The following CIITA variants were observed in gnomAD, a reference collection of about 807,000 sequenced individuals.
CIITA encodes the protein class II major histocompatibility complex transactivator, also known as MHC class II transactivator.
In CIITA, 72 loss-of-function variants were observed where a neutral mutation model predicts 115.1. The ratio of observed to expected loss-of-function variants is 0.63; its 90% CI spans 0.52 to 0.76. The LOEUF is 0.76. Ranked by LOEUF, CIITA falls within the 30% of genes least tolerant of loss-of-function variation. The pLI, the probability that CIITA is intolerant of heterozygous loss-of-function variation, is 0.00. For missense variants in CIITA, 1,617 were observed against 1,463.8 expected (o/e 1.10, Z -1.71); for synonymous variants, 763 against 635.6 (o/e 1.20, Z -3.02).
At chr16:10,912,858 G>GAGGA (rs771130559) in intron 13 of CIITA, among the ~76,000 whole-genome samples, 39 of 152,218 alleles carry the variant, frequency 2.6e-4, no homozygotes, top group Non-Finnish European at 4.0e-4. Flanking sequence ...AGGAGGTTCT[G>GAGGA]AGGAAGGAAG....
chr16:10,896,372 C>T (rs912988725), intron 3 of CIITA, among the ~76,000 whole-genome samples: 2 of 152,004 alleles, frequency 1.3e-5, no homozygotes, highest in African/African-American at 4.8e-5. Context: ...TTTTTAACCA[C>T]AAAAAAAGAA....
At chr16:10,891,111 G>A (rs754415917) in intron 1 of CIITA, among the ~76,000 whole-genome samples, 102 of 152,298 alleles carry the variant, frequency 6.7e-4, no homozygotes, top group Non-Finnish European at 1.1e-3. Flanking sequence ...ATAAGTGGGG[G>A]TGGGCTAAAT....
At chr16:10,919,714 T>C (rs1164019601) in intron 16 of CIITA, among the ~76,000 whole-genome samples, 1 of 152,172 alleles carries the variant, frequency 6.6e-6, no homozygotes, top group Non-Finnish European at 1.5e-5. Flanking sequence ...TTTATTTATG[T>C]AGGTGCTTAC....
intron 10 of CIITA, 67 bp downstream of exon 10, chr16:10,904,879 C>A: frequency 6.6e-7 from 1 of 1,516,134 alleles, no homozygotes; most frequent in Non-Finnish European, 9.2e-7. Flanking sequence ...CTTCACATTG[C>A]TCATTCACTT....
At chr16:10,903,538 A>C (rs1032893168) in intron 8 of CIITA, among the ~76,000 whole-genome samples, 193 bp from the exon 9 acceptor site, 1 of 152,204 alleles carries the variant, frequency 6.6e-6, no homozygotes, top group Non-Finnish European at 1.5e-5. Context: ...TGGAAAAGCA[A>C]GGTTCCAGGA....
In CIITA at chr16:10,901,635, C is replaced by A; in HGVS notation, c.481+77C>A. 6.8e-7 allele frequency: 1 copy of A among 1,465,332 alleles called. No individual in the cohort carries two copies. The allele number at this position is 1,465,332 out of a possible 1,614,324, so 90.8% of individuals were successfully genotyped here. On this transcript the variant is annotated intron_variant, in intron 6 of 19. Coordinates refer to ENST00000324288, the MANE Select transcript of CIITA (RefSeq NM_000246.4). The surrounding 1 kb of genome is among the most constrained non-coding windows in gnomAD (Gnocchi z 6.8). ...GGATGGAAGAGATTGAACTCCTGGC[C>A]CAAGTCTGATGGGGATGGTGCATGG...
chr16:10,892,323 CAAAAAAAAAAAG>C (rs2037678821), intron 1 of CIITA, among the ~76,000 whole-genome samples: 1 of 132,516 alleles, frequency 7.5e-6, no homozygotes, highest in African/African-American at 2.8e-5. Flanking sequence ...GACTCTGTCT[CAAAAAAAAAAAG>C]AAAAAGAAAA....
upstream of CIITA, among the ~76,000 whole-genome samples, chr16:10,873,714 C>G (rs1056144509): frequency 6.6e-6 from 1 of 152,124 alleles, no homozygotes; most frequent in African/African-American, 2.4e-5. Flanking sequence ...CCCCATCTCT[C>G]CCTGGGACTT....
upstream of CIITA, among the ~76,000 whole-genome samples, chr16:10,875,071 T>C (rs2035740028): frequency 6.6e-6 from 1 of 152,096 alleles, no homozygotes; most frequent in Admixed American, 6.5e-5. Flanking sequence ...CGGGTTCATG[T>C]GATTCTCATC....
At chr16:10,894,259 T>C (rs1344144080) in intron 1 of CIITA, among the ~76,000 whole-genome samples, 2 of 152,248 alleles carry the variant, frequency 1.3e-5, no homozygotes, top group African/African-American at 2.4e-5. Flanking sequence ...AGCATTTTTT[T>C]TAAGGTTCAT....
At chr16:10,876,055 C>A (rs1287209567), upstream of CIITA, among the ~76,000 whole-genome samples, 2 of 152,070 alleles carry the variant, frequency 1.3e-5, no homozygotes, top group Non-Finnish European at 2.9e-5. Context: ...GAGGCTGAGG[C>A]AGGAGAATCA....
chr16:10,918,464 C>G lies in CIITA; in HGVS notation c.3087C>G (p.Asp1029Glu). The G allele has an allele frequency of 6.2e-7, 1 of 1,614,226 alleles. No individual in the cohort carries two copies. The highest frequency in any genetic ancestry group is 8.5e-7 in the Non-Finnish European group (1 of 1,180,028). ...GTCTGTCCCAGAACAACATCACTGA[C>G]CTGGGTGCCTACAAACTCGCCGAGG... ...TLNLSQNNIT[D>E]LGAYKLAEAL... The change falls in exon 16 of 20, where the codon GAC becomes GAG. Residue 1029 changes from aspartate to glutamate, a missense_variant. Transcript: ENST00000324288.
In CIITA at chr16:10,892,062, A is replaced by G. The variant is rs553595246; in HGVS notation, c.53-3220A>G. On this transcript the variant is annotated intron_variant, in intron 1 of 19. Transcript: ENST00000324288. ...CTCTGGGCCGGGTGTGGTGGCTCACACCTGTAATCCCAGCACTTTGGGAGG... is the reference window on the plus strand; with the variant it reads ...CTCTGGGCCGGGTGTGGTGGCTCACGCCTGTAATCCCAGCACTTTGGGAGG... Among the ~76,000 whole-genome samples the G allele has an allele frequency of 4.2e-4, 64 of 152,188 alleles. 1 individual carries two copies. Among genetic ancestry groups the G allele is most frequent in the South Asian group, 2.5e-3 (12 of 4,826 alleles).
Position 10,903,909 on chromosome 16 carries a change from G to C in CIITA, c.937+14G>C, listed in dbSNP as rs371156044. ...CAAACATGACAGGTAAGGACCCTTA[G>C]GGCCTGTGAGAGGTACTAGAAGCAG... On this transcript the variant is annotated intron_variant, in intron 9 of 19. Coordinates refer to ENST00000324288, the MANE Select transcript of CIITA (RefSeq NM_000246.4). 1.9e-6 allele frequency: 3 copies of C among 1,614,174 alleles called. No homozygotes were observed. Among genetic ancestry groups the C allele is most frequent in the East Asian group, 4.5e-5 (2 of 44,874 alleles).
rs753329485 is a variant in CIITA, at chr16:10,907,491, C to G, written c.1999C>G (p.Leu667Val). The G allele has an allele frequency of 1.2e-6, 2 of 1,613,726 alleles. No individual in the cohort carries two copies. The highest frequency in any genetic ancestry group is 2.7e-5 in the African/African-American group (2 of 74,942). ...AGAGCTGGCCAAGCTGGCCTGGGAG[C>G]TGGGCCGCAGACATCAAAGTACCCT... The part of the protein sequence containing the change: ...LAELAKLAWE[L>V]GRRHQSTLQE... The change falls in exon 11 of 20, where the codon CTG (leucine) becomes GTG (valine). Residue 667 changes from leucine (L) to valine (V), a missense_variant. By Grantham distance (32) the Leu-to-Val change is conservative (BLOSUM62 1). Coordinates refer to ENST00000324288, the MANE Select transcript of CIITA (RefSeq NM_000246.4). This position sits in a 1 kb window ranked among gnomAD's most constrained non-coding sequence, Gnocchi z 5.0.
chr16:10,872,846 A>G (rs1406311918), upstream of CIITA, among the ~76,000 whole-genome samples: 3 of 152,256 alleles, frequency 2.0e-5, no homozygotes, highest in African/African-American at 4.8e-5. Context: ...TGAGATGAAG[A>G]AGGACTTTTA....
rs1359597737 is a variant in CIITA at position 10,906,875 on chromosome 16, T to A, written c.1383T>A (p.Asp461Glu). The A allele has an allele frequency of 6.2e-7, 1 of 1,613,546 alleles. No individual in the cohort carries two copies. Among genetic ancestry groups the A allele is most frequent in the Non-Finnish European group, 8.5e-7 (1 of 1,180,028 alleles). Residue 461 changes from aspartate to glutamate, a missense_variant, in exon 11 of 20, where the codon GAT (aspartate) becomes GAA (glutamate). Asp to Glu is a conservative substitution (Grantham distance 45, BLOSUM62 2). Transcript: ENST00000324288. ...VPCHCLNRPG[D>E]AYGLQDLLFS... ...GCCATTGCTTGAACCGTCCGGGGGA[T>A]GCCTATGGCCTGCAGGATCTGCTCT...
chr16:10,926,446 G>C lies in CIITA; in HGVS notation c.*2591G>C, dbSNP rs1178332753. On this transcript the variant is annotated 3_prime_UTR_variant, in exon 20 of 20. Transcript: ENST00000324288. ...GTGCCATGTGCCAGGTTTTTGGTCT[G>C]ACCCACTGCTTTTGGTCTGTGTGAT... 6.6e-6 allele frequency: 1 copy of C among 152,264 alleles called. No individual in the cohort carries two copies. Among genetic ancestry groups the C allele is most frequent in the Non-Finnish European group, 1.5e-5 (1 of 68,068 alleles). The allele number at this position is 152,264 out of a possible 1,614,324, so 9.4% of individuals were successfully genotyped here.
chr16:10,906,647 G>A lies in CIITA; in HGVS notation c.1155G>A (p.Pro385=), dbSNP rs930885758. Residue 385 remains proline, a synonymous_variant, in exon 11 of 20, where the codon CCG becomes CCA. Transcript: ENST00000324288. ...GCCTGGAGCGGGAACTGGCCACCCCGGACTGGGCAGAACGGCAGCTGGCCC... is the reference window on the plus strand; with the variant it reads ...GCCTGGAGCGGGAACTGGCCACCCCAGACTGGGCAGAACGGCAGCTGGCCC... ...SKSLERELAT[P]DWAERQLAQG... is the part of the protein sequence containing the mutation. 3.7e-6 allele frequency: 6 copies of A among 1,613,754 alleles called. No individual in the cohort carries two copies. The highest frequency in any genetic ancestry group is 2.7e-5 in the African/African-American group (2 of 74,946).
Sources: gnomAD v4.1 joint callset for allele counts (sites outside exome capture counted in the v4.1 genomes callset) on GRCh38, gnomAD v4.1.1 for gene constraint, Gnocchi (gnomAD v3.1) non-coding constraint, MANE v1.5 for transcripts, NCBI Gene and HGNC (gene_info 2026-07-23, HGNC 2026-07-21) for gene names.